MTAP: variants seen among roughly 807,000 people sequenced by gnomAD.
MTAP encodes the protein methylthioadenosine phosphorylase.
In MTAP, 33 loss-of-function variants were observed where a neutral mutation model predicts 33.6. That is an observed-to-expected ratio of 0.98 (90% CI 0.74 to 1.31). MTAP has a LOEUF of 1.31. Among genes scored for constraint, MTAP ranks in the 40% most tolerant of loss-of-function variants. The probability of loss-of-function intolerance (pLI) is 0.00; values close to 1 mark genes in which losing one functional copy is unlikely to be tolerated. For synonymous variants in MTAP, 148 were observed against 125.7 expected (o/e 1.18, Z -1.19); for missense variants, 367 against 360.0 (o/e 1.02, Z -0.16).
chr9:21,861,123 G>A (rs1587256588), intron 7 of MTAP: 2 of 152,080 alleles, frequency 1.3e-5, no homozygotes, highest in South Asian at 2.1e-4. Flanking sequence ...TCAAAAGCTT[G>A]AAGTTAATTT....
At chr9:21,908,542 T>A (rs186648215) in intron 1 of MTAP, among the ~76,000 whole-genome samples, 10 of 152,276 alleles carry the variant, frequency 6.6e-5, no homozygotes, top group African/African-American at 2.4e-4. Flanking sequence ...CTTCATATCA[T>A]TACATTTGAA....
intron 5 of MTAP, among the ~76,000 whole-genome samples, chr9:21,846,172 G>A (rs371049642): frequency 3.3e-5 from 5 of 151,998 alleles, no homozygotes; most frequent in Non-Finnish European, 5.9e-5. Flanking sequence ...AAATAACATC[G>A]GAAAAACCTA....
intron 5 of MTAP, among the ~76,000 whole-genome samples, chr9:21,852,147 A>T (rs1317744669): frequency 6.6e-6 from 1 of 152,218 alleles, no homozygotes; most frequent in African/African-American, 2.4e-5. Flanking sequence ...TCGGGAATGG[A>T]AAACTAAATA....
intron 1 of MTAP, among the ~76,000 whole-genome samples, chr9:21,806,270 ATTTGCAGG>A (rs1484792860): frequency 1.3e-5 from 2 of 151,996 alleles, no homozygotes; most frequent in Non-Finnish European, 2.9e-5. Context: ...TGGGGATAGA[ATTTGCAGG>A]TAGAACACAG....
rs189392570 is a variant in MTAP, at chr9:21,854,783, G to A, written c.603G>A (p.Glu201=). 53 of 1,614,156 alleles carry A rather than the reference G, an allele frequency of 3.3e-5. 1 individual carries two copies. In the East Asian group the frequency reaches 9.1e-4, roughly 28 times the overall value. The part of the protein sequence containing the change: ...ADVINMTTVP[E]VVLAKEAGIC... ...TTATCAACATGACCACAGTTCCAGA[G>A]GTGGTTCTTGCTAAGGAGGCTGGAA... Residue 201 remains glutamate, a synonymous_variant, in exon 6 of 8, where the codon GAG becomes GAA. Transcript: ENST00000644715.
In MTAP at chr9:21,859,366, C is replaced by T. The variant is rs868490964; in HGVS notation, c.754C>T (p.Leu252Phe). ...CGCTAATAAAGCCAAAAGCTTACTG[C>T]TCACTACCATACCTCAGATAGGGTC... Reference protein sequence around the residue: ...ENANKAKSLLLTTIPQIGSTE... With the variant: ...ENANKAKSLLFTTIPQIGSTE... The change falls in exon 7 of 8, where the codon CTC becomes TTC. Residue 252 changes from leucine to phenylalanine, a missense_variant. Coordinates refer to ENST00000644715, the MANE Select transcript of MTAP (RefSeq NM_002451.4). The T allele has an allele frequency of 2.5e-6, 4 of 1,613,746 alleles. No homozygotes were observed. In the African/African-American group the frequency reaches 4.0e-5, roughly 16 times the overall value.
At chr9:21,920,940 G>T (rs748177285) in intron 1 of MTAP, among the ~76,000 whole-genome samples, 2 of 152,132 alleles carry the variant, frequency 1.3e-5, no homozygotes, top group Non-Finnish European at 2.9e-5. Context: ...AAAGAGTTTG[G>T]AAGTATTACC....
chr9:21,812,247 C>A (rs1587198592), intron 1 of MTAP: 1 of 224,800 alleles, frequency 4.4e-6, no homozygotes, highest in East Asian at 1.1e-4. Flanking sequence ...GATGGTGACC[C>A]CACTCATGGC....
At chr9:21,814,231 A>G (rs529538822) in intron 1 of MTAP, among the ~76,000 whole-genome samples, 1 of 152,182 alleles carries the variant, frequency 6.6e-6, no homozygotes, top group Admixed American at 6.5e-5. Context: ...TGTTTTTTTC[A>G]GGAAACTGAG....
intron 1 of MTAP, among the ~76,000 whole-genome samples, chr9:21,876,832 G>T (rs968987282): frequency 2.0e-5 from 3 of 151,992 alleles, no homozygotes; most frequent in Non-Finnish European, 4.4e-5. Context: ...GCGTAGGATT[G>T]CCTTGGCTAT....
exon 8 of MTAP, chr9:21,936,706 G>T (rs574615341): frequency 6.6e-6 from 1 of 151,946 alleles, no homozygotes; most frequent in Admixed American, 6.6e-5. Context: ...CCCCATAACC[G>T]TTCACAATTT....
At chr9:21,880,797 TG>T (rs1301830577) in intron 1 of MTAP, among the ~76,000 whole-genome samples, 1 of 152,094 alleles carries the variant, frequency 6.6e-6, no homozygotes, top group African/African-American at 2.4e-5. Context: ...GTTCATACAC[TG>T]GAAGACTTAA....
At chr9:21,874,421 C>T (rs1208479851) in intron 1 of MTAP, among the ~76,000 whole-genome samples, 1 of 152,086 alleles carries the variant, frequency 6.6e-6, no homozygotes, top group Non-Finnish European at 1.5e-5. Context: ...AATCAGGATC[C>T]AAGTAAAGTC....
chr9:21,813,580 C>G (rs368396988), intron 1 of MTAP, among the ~76,000 whole-genome samples: 191 of 152,290 alleles, frequency 1.3e-3, no homozygotes, highest in East Asian at 8.7e-3. Context: ...CAAACAAAGC[C>G]CAACTCGATT....
intron 5 of MTAP, among the ~76,000 whole-genome samples, chr9:21,848,931 G>A (rs1034274590): frequency 5.9e-5 from 9 of 152,112 alleles, no homozygotes; most frequent in South Asian, 2.1e-4. Flanking sequence ...GAGGCAAAGC[G>A]GCAATCAGAA....
At chr9:21,837,658 C>T (rs1225055559) in intron 4 of MTAP, among the ~76,000 whole-genome samples, 2 of 152,140 alleles carry the variant, frequency 1.3e-5, no homozygotes, top group Non-Finnish European at 2.9e-5. Context: ...GTGGTTACCC[C>T]GTCACGGCTG....
chr9:21,886,258 C>T (rs1254687420), intron 1 of MTAP, among the ~76,000 whole-genome samples: 2 of 151,666 alleles, frequency 1.3e-5, no homozygotes, highest in African/African-American at 4.8e-5. Context: ...ATCTTGTTTT[C>T]AGAATTTTCT....
At chr9:21,876,115 A>G (rs1435135382) in intron 1 of MTAP, among the ~76,000 whole-genome samples, 1 of 152,160 alleles carries the variant, frequency 6.6e-6, no homozygotes, top group East Asian at 1.9e-4. Context: ...CATTTCTCGA[A>G]TGATCAGTGA....
intron 1 of MTAP, among the ~76,000 whole-genome samples, chr9:21,806,915 A>G (rs958999552): frequency 6.6e-6 from 1 of 152,002 alleles, no homozygotes; most frequent in African/African-American, 2.4e-5. Flanking sequence ...TGTAATCCCA[A>G]CACTTTGGGA....
Sources: allele counts gnomAD v4.1 joint callset (sites outside exome capture counted in the v4.1 genomes callset), GRCh38; gene constraint gnomAD v4.1.1; transcripts MANE v1.5; gene names NCBI Gene and HGNC (gene_info 2026-07-23, HGNC 2026-07-21).